Variants in ABLIM1 observed in about 807,000 individuals in gnomAD.
ABLIM1 encodes actin-binding LIM protein 1.
ABLIM1 carries 40 observed loss-of-function variants against 107.0 expected under a neutral mutation model. That is an observed-to-expected ratio of 0.37 (90% CI 0.29 to 0.49). The LOEUF (loss-of-function observed/expected upper bound fraction) is 0.49. Among genes scored for constraint, ABLIM1 ranks in the 20% least tolerant of loss-of-function variants. The pLI is 0.97. For missense variants in ABLIM1, 857 were observed against 1,008.5 expected (o/e 0.85, Z 2.04); for synonymous variants, 357 against 357.3 (o/e 1.00, Z 0.01).
At chr10:114,510,615 T>C (rs2061714106) in intron 6 of ABLIM1, among the ~76,000 whole-genome samples, 1 of 151,624 alleles carries the variant, frequency 6.6e-6, no homozygotes, top group South Asian at 2.1e-4. Context: ...AAGCTTCTAC[T>C]GCTACCTTCT....
Position 114,434,795 on chromosome 10 carries a change from G to A in ABLIM1, c.*1465C>T, listed in dbSNP as rs906447206. 2.6e-5 allele frequency: 4 copies of A among 152,044 alleles called. No homozygotes were observed. Among genetic ancestry groups the A allele is most frequent in the Non-Finnish European group, 1.5e-5 (1 of 68,018 alleles). 9.4% of individuals were successfully genotyped at this position (152,044 alleles called of 1,614,324 possible). Reference sequence around the variant, plus strand: ...TTGGGGAAACCCTAGGCTCATATTCGAATCTAGTGTTGCAGAGCCTGAGGG... The same window carrying A: ...TTGGGGAAACCCTAGGCTCATATTCAAATCTAGTGTTGCAGAGCCTGAGGG... On this transcript the variant is annotated 3_prime_UTR_variant, in exon 23 of 23. Transcript: ENST00000533213.
intron 13 of ABLIM1, 137 bp from the exon 14 acceptor site, chr10:114,451,808 A>G: frequency 1.3e-6 from 1 of 747,598 alleles, no homozygotes; most frequent in South Asian, 1.8e-5. Flanking sequence ...TATTACAAAG[A>G]TTGAGTTTAT....
chr10:114,596,569 C>T (rs146520925), intron 2 of ABLIM1, among the ~76,000 whole-genome samples: 1 of 152,214 alleles, frequency 6.6e-6, no homozygotes, highest in East Asian at 1.9e-4. Flanking sequence ...ACCATCAGAT[C>T]CCACAATGTC....
chr10:114,700,456 A>G (rs910972131), intron 1 of ABLIM1, among the ~76,000 whole-genome samples: 3 of 151,870 alleles, frequency 2.0e-5, no homozygotes. Context: ...TAGACATGAA[A>G]ATGTAAAGGG....
intron 6 of ABLIM1, among the ~76,000 whole-genome samples, chr10:114,540,959 A>G (rs1461961407): frequency 6.6e-6 from 1 of 152,208 alleles, no homozygotes; most frequent in South Asian, 2.1e-4. Context: ...AATTAAGCAA[A>G]GGATCTTGAG....
chr10:114,477,350 G>A (rs556051946), intron 8 of ABLIM1, among the ~76,000 whole-genome samples: 7 of 152,294 alleles, frequency 4.6e-5, no homozygotes, highest in South Asian at 2.1e-4. Flanking sequence ...GAGGGTGTGC[G>A]GCAGGAGCAT....
At chr10:114,648,607 G>A (rs567874285) in intron 1 of ABLIM1, among the ~76,000 whole-genome samples, 2 of 152,316 alleles carry the variant, frequency 1.3e-5, no homozygotes, top group African/African-American at 2.4e-5. Flanking sequence ...TAGATAGTGG[G>A]ATGGTTGCAC....
chr10:114,767,934 C>T (rs1023289020), intron 1 of ABLIM1: 7 of 331,050 alleles, frequency 2.1e-5, no homozygotes, highest in African/African-American at 9.1e-5. Context: ...CAGCCCCGAG[C>T]CCGGGGATCC....
chr10:114,462,761 T>C (rs2064213731), intron 12 of ABLIM1, among the ~76,000 whole-genome samples: 1 of 151,600 alleles, frequency 6.6e-6, no homozygotes, highest in South Asian at 2.1e-4. Flanking sequence ...TAATAATATA[T>C]ATATATATAT....
intron 1 of ABLIM1, among the ~76,000 whole-genome samples, chr10:114,623,296 A>G (rs544286618): frequency 1.3e-4 from 20 of 152,150 alleles, no homozygotes; most frequent in East Asian, 9.6e-4. Context: ...CTGAGCCCCA[A>G]CTCGCCCCCA....
intron 6 of ABLIM1, among the ~76,000 whole-genome samples, chr10:114,519,304 T>C (rs1194239785): frequency 6.6e-6 from 1 of 152,182 alleles, no homozygotes; most frequent in East Asian, 1.9e-4. Flanking sequence ...CTGCTAATGA[T>C]ATTTCTGGGA....
the ABLIM1 span, chr10:114,779,521 TTCAAGA>T: frequency 6.6e-6 from 1 of 152,266 alleles, no homozygotes; most frequent in Non-Finnish European, 1.5e-5. Context: ...ATGGGTATCT[TTCAAGA>T]TCTTTTTCTT....
At chr10:114,797,923 A>G in the ABLIM1 span, among the ~76,000 whole-genome samples, 1 of 152,224 alleles carries the variant, frequency 6.6e-6, no homozygotes, top group Non-Finnish European at 1.5e-5. Context: ...ATTTTTGTCC[A>G]TATATACACA....
intron 2 of ABLIM1, among the ~76,000 whole-genome samples, chr10:114,579,416 C>T (rs377575314): frequency 3.3e-5 from 5 of 152,020 alleles, no homozygotes; most frequent in Admixed American, 1.3e-4. Flanking sequence ...ACAGAGTAAA[C>T]GATTTTAAAA....
chr10:114,625,296 G>A (rs1459123197), intron 1 of ABLIM1, among the ~76,000 whole-genome samples: 1 of 152,138 alleles, frequency 6.6e-6, no homozygotes, highest in African/African-American at 2.4e-5. Flanking sequence ...AAAACCTACT[G>A]TTCTTAGCCT....
At chr10:114,752,455 G>A (rs984061315) in intron 1 of ABLIM1, among the ~76,000 whole-genome samples, 3 of 152,064 alleles carry the variant, frequency 2.0e-5, no homozygotes, top group East Asian at 1.9e-4. Context: ...TTTAAGTTCC[G>A]GGGTAAACGT....
In ABLIM1 at chr10:114,629,340, T is replaced by G. The variant is rs1026891003; in HGVS notation, c.245-27379A>C. On this transcript the variant is annotated intron_variant, in intron 1 of 22. Coordinates refer to ENST00000533213, the MANE Select transcript of ABLIM1 (RefSeq NM_002313.7). This position sits in a 1 kb window ranked among gnomAD's most constrained non-coding sequence, Gnocchi z 4.0. ...GGACATTGCCAGGACCCGAGCCTCC[T>G]CGAGTTGATTCCTGACAGCTCCACA... 6.6e-6 allele frequency among the ~76,000 whole-genome samples: 1 copy of G among 152,130 alleles called. No homozygotes were observed. Among genetic ancestry groups the G allele is most frequent in the Non-Finnish European group, 1.5e-5 (1 of 68,020 alleles).
At chr10:114,637,280 A>G (rs2078529870) in intron 1 of ABLIM1, among the ~76,000 whole-genome samples, 1 of 152,196 alleles carries the variant, frequency 6.6e-6, no homozygotes, top group Non-Finnish European at 1.5e-5. Flanking sequence ...CCATGCCATC[A>G]GATCTGAAAA....
At chr10:114,787,773 C>T in the ABLIM1 span, among the ~76,000 whole-genome samples, 47 of 113,588 alleles carry the variant, frequency 4.1e-4, 1 homozygote, top group East Asian at 4.5e-4. Context: ...TGCCCTGCCG[C>T]CCCTACTGGG....
Sources: gnomAD v4.1 joint callset for allele counts (sites outside exome capture counted in the v4.1 genomes callset) on GRCh38, gnomAD v4.1.1 for gene constraint, Gnocchi (gnomAD v3.1) non-coding constraint, MANE v1.5 for transcripts, NCBI Gene and HGNC (gene_info 2026-07-23, HGNC 2026-07-21) for gene names.